Variants in FAP observed in about 807,000 individuals in gnomAD.
FAP encodes fibroblast activation protein alpha.
In FAP, 110 loss-of-function variants were observed where a neutral mutation model predicts 126.5. The observed-to-expected ratio is 0.87, with a 90% CI of 0.74 to 1.02. The LOEUF is 1.02. Ranked by LOEUF, FAP falls within the 50% of genes least tolerant of loss-of-function variation. The probability of loss-of-function intolerance (pLI) is 0.00; values close to 1 mark genes in which losing one functional copy is unlikely to be tolerated. For missense variants in FAP, 919 were observed against 909.2 expected (o/e 1.01, Z -0.14); for synonymous variants, 334 against 297.3 (o/e 1.12, Z -1.27).
intron 12 of FAP, among the ~76,000 whole-genome samples, chr2:162,209,327 A>T (rs554461241): frequency 3.3e-5 from 5 of 152,256 alleles, no homozygotes; most frequent in African/African-American, 1.2e-4. Flanking sequence ...TATTCTTCAT[A>T]TACGATATAA....
In FAP at chr2:162,189,188, A is replaced by G. The variant is rs1175801722; in HGVS notation, c.1550-16T>C. The G allele has an allele frequency of 1.3e-6, 2 of 1,556,954 alleles. No homozygotes were observed. The highest frequency in any genetic ancestry group is 3.6e-5 in the Admixed American group (2 of 56,116). Reference sequence around the variant, plus strand: ...TACCATAAAGCTTTGAGGAAAAAAAAAGGAGAAAAATCTTCATTCCACAGC... The same window carrying G: ...TACCATAAAGCTTTGAGGAAAAAAAGAGGAGAAAAATCTTCATTCCACAGC... On this transcript the variant is annotated splice_polypyrimidine_tract_variant and intron_variant, in intron 18 of 25. Coordinates refer to ENST00000188790, the MANE Select transcript of FAP (RefSeq NM_004460.5).
intron 2 of FAP, among the ~76,000 whole-genome samples, chr2:162,232,635 C>G (rs1376695016): frequency 6.6e-6 from 1 of 152,154 alleles, no homozygotes; most frequent in Non-Finnish European, 1.5e-5. Context: ...TGTCTCAGCT[C>G]TAACAGCAAT....
intron 2 of FAP, among the ~76,000 whole-genome samples, chr2:162,236,466 G>C (rs1690134516): frequency 6.6e-6 from 1 of 151,280 alleles, no homozygotes; most frequent in African/African-American, 2.4e-5. Context: ...TTTTTTGTGG[G>C]AAGTTTTAAA....
intron 6 of FAP, among the ~76,000 whole-genome samples, chr2:162,222,370 A>G (rs1315174189): frequency 1.3e-5 from 2 of 152,322 alleles, no homozygotes; most frequent in Admixed American, 6.5e-5. Flanking sequence ...GGATTCGGAG[A>G]CAAGAAGGAC....
chr2:162,185,368 A>G (rs1396673304), intron 20 of FAP, among the ~76,000 whole-genome samples: 1 of 152,112 alleles, frequency 6.6e-6, no homozygotes, highest in Non-Finnish European at 1.5e-5. Context: ...CCCACCACTA[A>G]CCCTCAAGTT....
At chr2:162,234,847 G>T (rs1229831141) in intron 2 of FAP, among the ~76,000 whole-genome samples, 1 of 152,156 alleles carries the variant, frequency 6.6e-6, no homozygotes, top group Non-Finnish European at 1.5e-5. Context: ...TGGCTTGCGG[G>T]GAGGTGTGGA....
intron 15 of FAP, among the ~76,000 whole-genome samples, chr2:162,199,223 T>C (rs1688393207): frequency 6.6e-6 from 1 of 152,220 alleles, no homozygotes; most frequent in East Asian, 1.9e-4. Flanking sequence ...TAGTTCTTCG[T>C]CTTTCTATCT....
intron 16 of FAP, 105 bp downstream of exon 16, chr2:162,198,652 T>C (rs1260241143): frequency 3.0e-6 from 4 of 1,318,886 alleles, no homozygotes; most frequent in East Asian, 4.6e-5. Flanking sequence ...TTCTTACATA[T>C]AACAAATGCT....
chr2:162,234,568 AT>A (rs1229765710), intron 2 of FAP, among the ~76,000 whole-genome samples: 2 of 152,088 alleles, frequency 1.3e-5, no homozygotes, highest in Non-Finnish European at 2.9e-5. Flanking sequence ...TACTTTATAT[AT>A]TTTTTTCTTG....
In FAP at chr2:162,214,202, C is replaced by A. The variant is rs574076485; in HGVS notation, c.867-129G>T. Reference sequence around the variant, plus strand: ...TTACTTATTTAATAGGTAAGCAAGACAAAACATTCCTTTCTCTGGAGAGAA... The same window carrying A: ...TTACTTATTTAATAGGTAAGCAAGAAAAAACATTCCTTTCTCTGGAGAGAA... On this transcript the variant is annotated intron_variant, in intron 10 of 25. Coordinates refer to ENST00000188790, the MANE Select transcript of FAP (RefSeq NM_004460.5). 3 of 660,968 alleles carry A rather than the reference C, an allele frequency of 4.5e-6. No homozygotes were observed. The African/African-American group carries it at 5.5e-5, about 12-fold the overall frequency. 40.9% of individuals were successfully genotyped at this position (660,968 alleles called of 1,614,324 possible).
intron 21 of FAP, chr2:162,175,839 C>T (rs923729495): frequency 6.6e-5 from 10 of 152,108 alleles, no homozygotes; most frequent in African/African-American, 2.4e-4. Context: ...TCGTGAGAAG[C>T]AAGTTTGGTC....
intron 16 of FAP, chr2:162,197,788 C>CACAT (rs1688313916): frequency 2.7e-6 from 1 of 368,740 alleles, no homozygotes; most frequent in African/African-American, 2.1e-5. Flanking sequence ...TTCTTTAAGC[C>CACAT]ACATACCCCT....
intron 15 of FAP, among the ~76,000 whole-genome samples, chr2:162,199,473 C>T (rs1477679593): frequency 6.6e-6 from 1 of 152,196 alleles, no homozygotes; most frequent in African/African-American, 2.4e-5. Flanking sequence ...TCTGCACTGC[C>T]CACATTGGCC....
At chr2:162,215,784 T>C in intron 10 of FAP, 114 bp downstream of exon 10, 1 of 706,464 alleles carries the variant, frequency 1.4e-6, no homozygotes, top group Non-Finnish European at 2.4e-6. Context: ...ATTTTGTATG[T>C]CTTTAGCTTT....
chr2:162,235,916 C>G (rs1411384680), intron 2 of FAP, among the ~76,000 whole-genome samples: 7 of 152,136 alleles, frequency 4.6e-5, no homozygotes, highest in Non-Finnish European at 8.8e-5. Flanking sequence ...GTGACATTAG[C>G]TTTCATTAAG....
chr2:162,181,864 C>A (rs1325916214), intron 21 of FAP, among the ~76,000 whole-genome samples: 1 of 152,124 alleles, frequency 6.6e-6, no homozygotes, highest in Non-Finnish European at 1.5e-5. Flanking sequence ...GCATCTTAAA[C>A]CTGAAGAGCT....
At chr2:162,229,889 T>C (rs1291547061) in intron 2 of FAP, among the ~76,000 whole-genome samples, 3 of 152,180 alleles carry the variant, frequency 2.0e-5, no homozygotes, top group African/African-American at 4.8e-5. Flanking sequence ...TTTAAGCATG[T>C]ACTAATTGTA....
intron 21 of FAP, among the ~76,000 whole-genome samples, chr2:162,176,897 A>G (rs1402591402): frequency 6.6e-6 from 1 of 152,198 alleles, no homozygotes. Context: ...TTGTATTTAA[A>G]TAAAGCTTTC....
chr2:162,173,452 C>G (rs1168449338), intron 23 of FAP, among the ~76,000 whole-genome samples: 1 of 151,690 alleles, frequency 6.6e-6, no homozygotes, highest in African/African-American at 2.4e-5. Flanking sequence ...TGAGTGAGAC[C>G]TTAGGCATAA....
Sources: gnomAD v4.1 joint callset for allele counts (sites outside exome capture counted in the v4.1 genomes callset) on GRCh38, gnomAD v4.1.1 for gene constraint, MANE v1.5 for transcripts, NCBI Gene and HGNC (gene_info 2026-07-23, HGNC 2026-07-21) for gene names.